The following CBX3 variants were observed in gnomAD, a reference collection of about 807,000 sequenced individuals.
CBX3 encodes chromobox protein homolog 3.
CBX3 carries 5 observed loss-of-function variants against 22.6 expected under a neutral mutation model. The observed-to-expected ratio is 0.22, with a 90% CI of 0.12 to 0.47. The LOEUF is 0.47. Ranked by LOEUF, CBX3 falls within the 20% of genes least tolerant of loss-of-function variation. The probability of loss-of-function intolerance (pLI) is 0.99; values close to 1 mark genes in which losing one functional copy is unlikely to be tolerated. For missense variants in CBX3, 83 were observed against 208.1 expected, an observed-to-expected ratio of 0.40 and a Z score of 3.70; for synonymous variants, 50 against 66.6, an observed-to-expected ratio of 0.75 and a Z score of 1.21.
chr7:26,202,556 G>C (rs1352173514), intron 1 of CBX3: 11 of 159,214 alleles, frequency 6.9e-5, no homozygotes, highest in Non-Finnish European at 2.7e-5. Context: ...GGGTTTCTGA[G>C]CAGAAACCAA....
At chr7:26,203,137 C>A (rs1784590332) in intron 2 of CBX3, 115 bp downstream of exon 2, 1 of 723,440 alleles carries the variant, frequency 1.4e-6, no homozygotes, top group East Asian at 2.9e-5. Flanking sequence ...TCCCAGCTCT[C>A]CCAGTGTAAA....
intron 2 of CBX3, among the ~76,000 whole-genome samples, chr7:26,204,032 T>A (rs1784615618): frequency 6.6e-6 from 1 of 152,230 alleles, no homozygotes; most frequent in Non-Finnish European, 1.5e-5. Flanking sequence ...AACTTTCCAT[T>A]TTAAAAATTC....
At chr7:26,207,270 A>G (rs1434018389) in intron 3 of CBX3, among the ~76,000 whole-genome samples, 2 of 152,340 alleles carry the variant, frequency 1.3e-5, no homozygotes, top group Middle Eastern at 3.4e-3. Context: ...TTTAATTCAT[A>G]GCAGTTTGGG....
chr7:26,206,167 A>G (rs563082690), intron 2 of CBX3: 23 of 491,844 alleles, frequency 4.7e-5, no homozygotes, highest in African/African-American at 4.4e-4. Flanking sequence ...GGTGGGTTGT[A>G]AGTTTGAACT....
At chr7:26,206,202 T>A in intron 2 of CBX3, 166 bp from the exon 3 acceptor site, 1 of 559,720 alleles carries the variant, frequency 1.8e-6, no homozygotes, top group Non-Finnish European at 3.1e-6. Flanking sequence ...AAGCATTCTT[T>A]TATTTTATTG....
chr7:26,201,901 G>A (rs547838130), intron 1 of CBX3, 75 bp downstream of exon 1: 410 of 151,866 alleles, frequency 2.7e-3, no homozygotes, highest in Non-Finnish European at 4.9e-3. Context: ...CGGGGGCCCG[G>A]TTCTCCGCTC....
rs1436635936 is a variant in CBX3 at position 26,212,972 on chromosome 7, C to T, written c.*764C>T. On this transcript the variant is annotated 3_prime_UTR_variant, in exon 6 of 6. Coordinates refer to ENST00000396386, the MANE Select transcript of CBX3 (RefSeq NM_016587.4). ...GCTAAACAAAACTAAGTTAAATGAA[C>T]ATTTAAAAGTTTCCCTAGCGGGCCA... is the stretch of plus-strand genomic sequence containing the variant. 1.3e-5 allele frequency: 2 copies of T among 152,236 alleles called. No individual in the cohort carries two copies. The highest frequency in any genetic ancestry group is 2.1e-4 in the South Asian group (1 of 4,830). 9.4% of individuals were successfully genotyped at this position (152,236 alleles called of 1,614,324 possible). A position where few individuals can be genotyped will look rare whatever the true frequency, so the allele number is the denominator to read the frequency against.
At chr7:26,206,096 A>G (rs1784669428) in intron 2 of CBX3, 1 of 312,588 alleles carries the variant, frequency 3.2e-6, no homozygotes, top group East Asian at 7.7e-5. Flanking sequence ...CTGTCTCAAA[A>G]AAAAAGACTG....
intron 5 of CBX3, 119 bp downstream of exon 5, chr7:26,211,875 A>G (rs1784808543): frequency 3.4e-6 from 3 of 876,552 alleles, no homozygotes; most frequent in Non-Finnish European, 3.4e-6. Flanking sequence ...GATTCTGGTT[A>G]CTTTTACTAG....
At position 26,207,395 on chromosome 7, in the gene CBX3, A is replaced by G. The variant is rs554530939; in HGVS notation, c.167+885A>G. ...TTATTAAGCCCATGAAACATGAAAAATTATTTTTACCCATCAAAACATTAG... is the reference window on the plus strand; with the variant it reads ...TTATTAAGCCCATGAAACATGAAAAGTTATTTTTACCCATCAAAACATTAG... On this transcript the variant is annotated intron_variant, in intron 3 of 5. Coordinates refer to ENST00000396386, the MANE Select transcript of CBX3 (RefSeq NM_016587.4). Among the ~76,000 whole-genome samples the G allele has an allele frequency of 5.9e-5, 9 of 152,348 alleles. No individual in the cohort carries two copies. In the South Asian group the frequency reaches 8.3e-4, roughly 14 times the overall value.
chr7:26,211,602 A>G (rs982582667), intron 4 of CBX3, 60 bp from the exon 5 acceptor site: 10 of 1,026,454 alleles, frequency 9.7e-6, no homozygotes, highest in African/African-American at 1.6e-5. Flanking sequence ...TATTTAAAAT[A>G]CGCCATGAAA....
At chr7:26,202,058 T>G (rs1404908084) in intron 1 of CBX3, 1 of 151,462 alleles carries the variant, frequency 6.6e-6, no homozygotes, top group African/African-American at 2.4e-5. Flanking sequence ...GGTAGGGAGC[T>G]GTGGCGACGG....
At chr7:26,203,695 AC>A (rs1279633731) in intron 2 of CBX3, among the ~76,000 whole-genome samples, 5 of 152,172 alleles carry the variant, frequency 3.3e-5, no homozygotes, top group African/African-American at 1.2e-4. Context: ...ATTCAAAGTT[AC>A]AGTTTTCACA....
At chr7:26,208,111 C>T (rs1365154535) in intron 3 of CBX3, 2 of 226,000 alleles carry the variant, frequency 8.8e-6, no homozygotes, top group South Asian at 1.4e-4. Context: ...CCTGTAGTCC[C>T]AGCTACTTGG....
At chr7:26,204,913 C>T (rs1784640128) in intron 2 of CBX3, among the ~76,000 whole-genome samples, 1 of 152,162 alleles carries the variant, frequency 6.6e-6, no homozygotes, top group Non-Finnish European at 1.5e-5. Flanking sequence ...CCTCAGCCTC[C>T]CAAGTAGCTG....
In CBX3 at chr7:26,209,758, CAG is replaced by C. The variant is rs999609455; in HGVS notation, c.330+1205_330+1206del. Among the ~76,000 whole-genome samples, 55 of 152,258 alleles carry C rather than the reference CAG, an allele frequency of 3.6e-4. 1 individual carries two copies. The highest frequency in any genetic ancestry group is 1.2e-3 in the African/African-American group (51 of 41,546). On this transcript the variant is annotated intron_variant, in intron 4 of 5. Transcript: ENST00000396386. ...CTTACTTACACCCTTGATTGTAAAACAGATTATACTTGTCTTGCCTACTGACC... is the reference window on the plus strand; with the variant it reads ...CTTACTTACACCCTTGATTGTAAAACATTATACTTGTCTTGCCTACTGACC...
chr7:26,208,989 A>C (rs1784745465), intron 4 of CBX3, among the ~76,000 whole-genome samples: 2 of 112,720 alleles, frequency 1.8e-5, no homozygotes, highest in South Asian at 3.2e-4. Context: ...CCCAGGCTGG[A>C]GTGTAGTGGT....
intron 4 of CBX3, among the ~76,000 whole-genome samples, chr7:26,208,938 TTTTTTTTTTTTTTC>T: frequency 9.0e-5 from 11 of 122,730 alleles, no homozygotes; most frequent in South Asian, 2.8e-4. Flanking sequence ...TTTTTTTTTT[TTTTTTTTTTTTTTC>T]CTGGGAGACA....
At chr7:26,210,400 A>G (rs1397928924) in intron 4 of CBX3, 1 of 152,256 alleles carries the variant, frequency 6.6e-6, no homozygotes, top group Non-Finnish European at 1.5e-5. Flanking sequence ...GCTGTGAAAT[A>G]TCTGTGCAGT....
Sources: gnomAD v4.1 joint callset for allele counts (sites outside exome capture counted in the v4.1 genomes callset) on GRCh38, gnomAD v4.1.1 for gene constraint, MANE v1.5 for transcripts, NCBI Gene and HGNC (gene_info 2026-07-23, HGNC 2026-07-21) for gene names.